AFDN: variants seen among roughly 807,000 people sequenced by gnomAD.
AFDN encodes afadin.
Under a neutral mutation model 216.6 loss-of-function variants are expected in AFDN, and 68 were observed. The observed-to-expected ratio is 0.31, with a 90% CI of 0.26 to 0.38. The LOEUF (loss-of-function observed/expected upper bound fraction) is 0.38, where lower values mean the gene tolerates loss of function less well. AFDN is among the 10% of genes least tolerant of loss of function. AFDN has a pLI of 1.00. For missense variants in AFDN, 2,136 were observed against 2,342.0 expected, an observed-to-expected ratio of 0.91 and a Z score of 1.82; for synonymous variants, 868 against 853.7, an observed-to-expected ratio of 1.02 and a Z score of -0.29.
rs117263183 is a variant in AFDN at position 167,922,555 on chromosome 6, G to T, written c.2909-301G>T. Among the ~76,000 whole-genome samples, 7 of 152,284 alleles carry T rather than the reference G, an allele frequency of 4.6e-5. No individual in the cohort carries two copies. In the East Asian group the frequency reaches 1.3e-3, roughly 29 times the overall value. ...TTAGTGTAGTGGAGTAAACGGTTCT[G>T]CAAGGAAGTAATGACAAGGCTATTT... is the stretch of plus-strand genomic sequence containing the variant. On this transcript the variant is annotated intron_variant, in intron 21 of 33. Transcript: ENST00000683244.
rs768816432 is a variant in AFDN at position 167,948,375 on chromosome 6, C to T, written c.3728C>T (p.Ser1243Phe). 5 of 1,614,148 alleles carry T rather than the reference C, an allele frequency of 3.1e-6. No individual in the cohort carries two copies. The highest frequency in any genetic ancestry group is 4.2e-6 in the Non-Finnish European group (5 of 1,180,030). ...YTREYFTFPASKSQDRMAPPQ... is the reference protein window; with the variant it reads ...YTREYFTFPAFKSQDRMAPPQ... ...AGAGAGTATTTTACCTTCCCAGCTT[C>T]CAAATCCCAGGATCGGATGGCTCCT... Residue 1243 changes from serine to phenylalanine, a missense_variant, in exon 29 of 34, where the codon TCC becomes TTC. Ser to Phe is a radical substitution (Grantham distance 155, BLOSUM62 -2). Around this residue, in one of 8 missense-constraint regions of AFDN, gnomAD observed 981 missense variants for 966.0 expected, o/e 1.02. Coordinates refer to ENST00000683244, the MANE Select transcript of AFDN (RefSeq NM_001386888.1).
intron 20 of AFDN, among the ~76,000 whole-genome samples, chr6:167,917,509 G>A (rs1583402830): frequency 1.3e-5 from 2 of 152,326 alleles, no homozygotes; most frequent in East Asian, 3.9e-4. Context: ...TTGGGTTCCA[G>A]TGTACGTAGC....
intron 23 of AFDN, among the ~76,000 whole-genome samples, chr6:167,939,051 G>A (rs1279452218): frequency 6.6e-6 from 1 of 152,056 alleles, no homozygotes; most frequent in Non-Finnish European, 1.5e-5. Context: ...TTTTTGGTCT[G>A]TATTAATTGT....
intron 1 of AFDN, among the ~76,000 whole-genome samples, chr6:167,862,063 A>G (rs1448761840): frequency 6.6e-6 from 1 of 152,202 alleles, no homozygotes; most frequent in Non-Finnish European, 1.5e-5. Context: ...GGAATCCTGG[A>G]ATAAAAATAC....
intron 1 of AFDN, among the ~76,000 whole-genome samples, chr6:167,835,993 G>T (rs1046758545): frequency 6.6e-6 from 1 of 152,146 alleles, no homozygotes. Flanking sequence ...CATTATTATG[G>T]AAGTATACAT....
Position 167,921,973 on chromosome 6 carries a change from A to G in AFDN, c.2909-883A>G, listed in dbSNP as rs184823787. Among the ~76,000 whole-genome samples the G allele has an allele frequency of 5.9e-3, 891 of 152,304 alleles. 15 individuals carry two copies. The highest frequency in any genetic ancestry group is 0.021 in the African/African-American group (859 of 41,566). On this transcript the variant is annotated intron_variant, in intron 21 of 33. Coordinates refer to ENST00000683244, the MANE Select transcript of AFDN (RefSeq NM_001386888.1). The stretch of plus-strand genomic sequence containing the variant: ...ATGGGTGAGACTGTCAGCTACTGCC[A>G]GGGAAAACTCCTCACCAGTCCAAGC...
intron 6 of AFDN, 67 bp downstream of exon 6, chr6:167,880,584 C>A: frequency 1.4e-6 from 2 of 1,450,980 alleles, no homozygotes; most frequent in South Asian, 2.4e-5. Flanking sequence ...TTCTTTAAAT[C>A]AAATTAAACC....
At chr6:167,859,942 T>C (rs1427571199) in intron 1 of AFDN, among the ~76,000 whole-genome samples, 7 of 151,842 alleles carry the variant, frequency 4.6e-5, no homozygotes, top group Non-Finnish European at 1.0e-4. Flanking sequence ...CCAAACAAAG[T>C]TGTTTTCCTG....
chr6:167,942,283 C>G (rs1349526295), intron 23 of AFDN, among the ~76,000 whole-genome samples: 1 of 152,108 alleles, frequency 6.6e-6, no homozygotes, highest in Non-Finnish European at 1.5e-5. Context: ...ATCTTCGTAC[C>G]TTTCTGTGCT....
intron 20 of AFDN, among the ~76,000 whole-genome samples, chr6:167,917,925 T>A (rs913320330): frequency 6.6e-6 from 1 of 152,300 alleles, no homozygotes; most frequent in East Asian, 1.9e-4. Flanking sequence ...TATGACATAA[T>A]GTGAAAAAAG....
At chr6:167,867,027 A>G (rs1784264945) in intron 2 of AFDN, among the ~76,000 whole-genome samples, 1 of 152,236 alleles carries the variant, frequency 6.6e-6, no homozygotes, top group South Asian at 2.1e-4. Context: ...TGCTACTTTA[A>G]AAACGTGAAT....
At chr6:167,894,697 C>G (rs1788017039) in intron 9 of AFDN, among the ~76,000 whole-genome samples, 1 of 152,120 alleles carries the variant, frequency 6.6e-6, no homozygotes, top group Non-Finnish European at 1.5e-5. Context: ...TATCTGTTGA[C>G]AAATTTCTAT....
chr6:167,827,380 C>T (rs1779247129), intron 1 of AFDN, 143 bp downstream of exon 1: 2 of 150,638 alleles, frequency 1.3e-5, no homozygotes, highest in Non-Finnish European at 2.8e-5. Flanking sequence ...CTCCCCCTCC[C>T]CCAGGCCCAC....
intron 6 of AFDN, among the ~76,000 whole-genome samples, chr6:167,882,658 C>A (rs951663779): frequency 6.6e-6 from 1 of 151,638 alleles, no homozygotes; most frequent in African/African-American, 2.4e-5. Flanking sequence ...AACAAACAAA[C>A]AAAAAAGAAA....
Position 167,952,002 on chromosome 6 carries a change from C to T in AFDN, c.4648C>T (p.Leu1550Phe). The T allele has an allele frequency of 6.2e-7, 1 of 1,614,186 alleles. No individual in the cohort carries two copies. The highest frequency in any genetic ancestry group is 8.5e-7 in the Non-Finnish European group (1 of 1,180,038). ...VDMLSKEIQE[L>F]QSKPDRSAEE... Reference sequence around the variant, plus strand: ...CATGCTGAGCAAGGAGATCCAGGAGCTCCAGAGCAAACCGGACCGCAGCGC... The same window carrying T: ...CATGCTGAGCAAGGAGATCCAGGAGTTCCAGAGCAAACCGGACCGCAGCGC... The change falls in exon 30 of 34, where the codon CTC becomes TTC. Residue 1550 changes from leucine to phenylalanine, a missense_variant. Coordinates refer to ENST00000683244, the MANE Select transcript of AFDN (RefSeq NM_001386888.1).
intron 1 of AFDN, 36 bp downstream of exon 1, chr6:167,827,273 C>T (rs757458166): frequency 3.3e-6 from 3 of 906,918 alleles, no homozygotes; most frequent in South Asian, 9.5e-5. Flanking sequence ...GCGCGACCCC[C>T]GCCCGCTGCG....
At chr6:167,849,091 T>G (rs547548938) in intron 1 of AFDN, among the ~76,000 whole-genome samples, 2 of 152,276 alleles carry the variant, frequency 1.3e-5, no homozygotes, top group East Asian at 3.9e-4. Flanking sequence ...TTAGGCCCCG[T>G]TTCTTCATCT....
chr6:167,891,401 A>AGGG (rs1266327665), intron 8 of AFDN, among the ~76,000 whole-genome samples: 1 of 85,172 alleles, frequency 1.2e-5, no homozygotes, highest in Non-Finnish European at 2.5e-5. Flanking sequence ...GATTTCATAA[A>AGGG]GGGGTGGGTG....
chr6:167,898,080 C>A, intron 10 of AFDN, 125 bp from the exon 11 acceptor site: 1 of 1,002,490 alleles, frequency 1.0e-6, no homozygotes, highest in Non-Finnish European at 1.4e-6. Context: ...CTTTAAAAGG[C>A]ACTAAAAATC....
Sources: gnomAD v4.1 joint callset for allele counts (sites outside exome capture counted in the v4.1 genomes callset) on GRCh38, gnomAD v4.1.1 for gene constraint, gnomAD v4.1.1 regional missense constraint, MANE v1.5 for transcripts, NCBI Gene and HGNC (gene_info 2026-07-23, HGNC 2026-07-21) for gene names.